RSF1: variants seen among roughly 807,000 people sequenced by gnomAD.
RSF1 encodes HBV pX-associated protein 8.
RSF1 carries 13 observed loss-of-function variants against 145.2 expected under a neutral mutation model. The ratio of observed to expected loss-of-function variants is 0.09; its 90% CI spans 0.06 to 0.14. The LOEUF (loss-of-function observed/expected upper bound fraction) is 0.14, where lower values mean the gene tolerates loss of function less well. RSF1 is among the 10% of genes least tolerant of loss of function. The probability of loss-of-function intolerance (pLI) is 1.00; values close to 1 mark genes in which losing one functional copy is unlikely to be tolerated. For synonymous variants in RSF1, 577 were observed against 592.6 expected (o/e 0.97, Z 0.38); for missense variants, 1,517 against 1,718.2 (o/e 0.88, Z 2.07).
chr11:77,859,824 C>T, the RSF1 span, among the ~76,000 whole-genome samples: 1 of 152,192 alleles, frequency 6.6e-6, no homozygotes, highest in Non-Finnish European at 1.5e-5. Flanking sequence ...TTAAGAGTTG[C>T]ACAAGTGCAC....
intron 1 of RSF1, among the ~76,000 whole-genome samples, chr11:77,775,550 TAAAG>T (rs957981733): frequency 6.6e-6 from 1 of 152,164 alleles, no homozygotes; most frequent in African/African-American, 2.4e-5. Flanking sequence ...TATGTTTAAT[TAAAG>T]AAATACTTAC....
At chr11:77,820,443 G>T in intron 1 of RSF1, 85 bp downstream of exon 1, 1 of 1,391,544 alleles carries the variant, frequency 7.2e-7, no homozygotes, top group Non-Finnish European at 9.6e-7. Flanking sequence ...GGCCCGAGCC[G>T]CGAAGAACCG....
At chr11:77,847,248 G>A in the RSF1 span, among the ~76,000 whole-genome samples, 1 of 152,102 alleles carries the variant, frequency 6.6e-6, no homozygotes. Flanking sequence ...CCTTCACTTT[G>A]GCCTTTGGGA....
chr11:77,735,036 TAAG>T (rs1961310334), intron 4 of RSF1: 9 of 1,464,230 alleles, frequency 6.1e-6, no homozygotes, highest in East Asian at 2.3e-5. Context: ...TGGCGGCGAC[TAAG>T]GAGAGGTGGC....
chr11:77,802,709 A>G (rs947941723), intron 1 of RSF1, among the ~76,000 whole-genome samples: 1 of 152,056 alleles, frequency 6.6e-6, no homozygotes, highest in Non-Finnish European at 1.5e-5. Context: ...ACGCCTGGCT[A>G]ATTTTGTATT....
intron 1 of RSF1, among the ~76,000 whole-genome samples, chr11:77,817,520 T>C (rs1010759983): frequency 2.6e-5 from 4 of 152,216 alleles, no homozygotes; most frequent in Admixed American, 1.3e-4. Context: ...TGTATCCTAC[T>C]TGAAAATTTA....
rs374276684 is a variant in RSF1 at position 77,708,179 on chromosome 11, G to C, written c.734-5684C>G. On this transcript the variant is annotated intron_variant, in intron 5 of 15. Transcript: ENST00000308488. ...TCACGCCTGTAATCCCAGCACTTTG[G>C]TGGGCCAAAGTGGGCAGATCATTTG... Among the ~76,000 whole-genome samples, 288 of 152,288 alleles carry C rather than the reference G, an allele frequency of 1.9e-3. 4 individuals are homozygous for C. Among genetic ancestry groups the C allele is most frequent in the African/African-American group, 6.8e-3 (281 of 41,550 alleles).
chr11:77,736,098 C>G (rs1961345810), intron 4 of RSF1, among the ~76,000 whole-genome samples: 1 of 152,230 alleles, frequency 6.6e-6, no homozygotes, highest in Admixed American at 6.5e-5. Flanking sequence ...CAAAACTCCA[C>G]TTCACATAAA....
At chr11:77,672,647 C>T (rs570793287) in intron 14 of RSF1, among the ~76,000 whole-genome samples, 8 of 151,612 alleles carry the variant, frequency 5.3e-5, no homozygotes, top group African/African-American at 1.2e-4. Flanking sequence ...ATACTCTTAG[C>T]GGTGAATCCT....
At chr11:77,799,624 A>T (rs763974836) in intron 1 of RSF1, among the ~76,000 whole-genome samples, 13 of 151,918 alleles carry the variant, frequency 8.6e-5, no homozygotes, top group Admixed American at 2.0e-4. Flanking sequence ...AAATTTCACC[A>T]CCCCAATCTC....
At chr11:77,810,791 G>A (rs1005677319) in intron 1 of RSF1, among the ~76,000 whole-genome samples, 1 of 152,096 alleles carries the variant, frequency 6.6e-6, no homozygotes, top group African/African-American at 2.4e-5. Flanking sequence ...GTATTATACT[G>A]GTTCTAAATG....
intron 1 of RSF1, among the ~76,000 whole-genome samples, chr11:77,791,265 A>G (rs924850540): frequency 5.3e-5 from 8 of 152,164 alleles, no homozygotes; most frequent in African/African-American, 1.7e-4. Flanking sequence ...CACCCTCTGA[A>G]GCAACAGCCC....
the RSF1 span, among the ~76,000 whole-genome samples, chr11:77,867,474 A>G: frequency 6.6e-6 from 1 of 152,184 alleles, no homozygotes; most frequent in African/African-American, 2.4e-5. Flanking sequence ...ACCTTACCTG[A>G]ATGAAACTCC....
intron 1 of RSF1, among the ~76,000 whole-genome samples, chr11:77,767,150 A>G (rs1268170505): frequency 6.6e-6 from 1 of 152,174 alleles, no homozygotes; most frequent in African/African-American, 2.4e-5. Flanking sequence ...TGGAATTTTG[A>G]AACTGTATAG....
At chr11:77,705,570 G>A (rs1173512353) in intron 5 of RSF1, among the ~76,000 whole-genome samples, 1 of 152,116 alleles carries the variant, frequency 6.6e-6, no homozygotes, top group African/African-American at 2.4e-5. Context: ...AACTTATTTT[G>A]TTCAGGAAGG....
At chr11:77,844,157 T>C in the RSF1 span, among the ~76,000 whole-genome samples, 36 of 152,272 alleles carry the variant, frequency 2.4e-4, no homozygotes, top group Middle Eastern at 6.8e-3. Flanking sequence ...TATCCTTACA[T>C]AGTGGAAAGA....
In RSF1 at chr11:77,663,033, A is replaced by T. The variant is rs1959269548; in HGVS notation, c.*3884T>A. The T allele has an allele frequency of 6.6e-6, 1 of 152,066 alleles. No homozygotes were observed. Among genetic ancestry groups the T allele is most frequent in the Admixed American group, 6.6e-5 (1 of 15,264 alleles). The allele number at this position is 152,066 out of a possible 1,614,324, so 9.4% of individuals were successfully genotyped here. ...TGTGTGCGTGTGCACACACACACAC[A>T]CATATACACATGTACCATTTAACTC... On this transcript the variant is annotated 3_prime_UTR_variant, in exon 16 of 16. Transcript: ENST00000308488.
the RSF1 span, chr11:77,832,075 C>T: frequency 6.6e-6 from 1 of 151,758 alleles, no homozygotes; most frequent in African/African-American, 2.4e-5. Flanking sequence ...CTTGTGACTT[C>T]ATTTTCTCTA....
Position 77,666,868 on chromosome 11 carries a change from G to A in RSF1, c.*49C>T, listed in dbSNP as rs769962452. On this transcript the variant is annotated 3_prime_UTR_variant, in exon 16 of 16. Transcript: ENST00000308488. ...ACAGCTTTTAATAACTGGCCCGCTG[G>A]TGTGAGAGCTACCGTGGAATAAATT... 1 of 1,419,924 alleles carries A rather than the reference G, an allele frequency of 7.0e-7. No individual in the cohort carries two copies. The highest frequency in any genetic ancestry group is 9.5e-7 in the Non-Finnish European group (1 of 1,054,048). The allele number at this position is 1,419,924 out of a possible 1,614,324, so 88.0% of individuals were successfully genotyped here. A position where few individuals can be genotyped will look rare whatever the true frequency, so the allele number is the denominator to read the frequency against.
Sources: gnomAD v4.1 joint callset for allele counts (sites outside exome capture counted in the v4.1 genomes callset) on GRCh38, gnomAD v4.1.1 for gene constraint, MANE v1.5 for transcripts, NCBI Gene and HGNC (gene_info 2026-07-23, HGNC 2026-07-21) for gene names.